Variants in ARHGEF18 observed in about 807,000 individuals in gnomAD.
ARHGEF18 encodes rho guanine nucleotide exchange factor 18.
Under a neutral mutation model 155.7 loss-of-function variants are expected in ARHGEF18, and 93 were observed. The observed-to-expected ratio is 0.60, with a 90% CI of 0.50 to 0.71. The LOEUF is 0.71. ARHGEF18 is among the 30% of genes least tolerant of loss of function. ARHGEF18 has a pLI of 0.00. For synonymous variants in ARHGEF18, 742 were observed against 753.1 expected (o/e 0.99, Z 0.24); for missense variants, 1,593 against 1,816.1 (o/e 0.88, Z 2.23).
At chr19:7,475,502 T>C (rs1977207659), downstream of ARHGEF18, among the ~76,000 whole-genome samples, 1 of 151,522 alleles carries the variant, frequency 6.6e-6, no homozygotes, top group Non-Finnish European at 1.5e-5. Flanking sequence ...TATATGTGAA[T>C]TATATTTCCA....
intron 15 of ARHGEF18, among the ~76,000 whole-genome samples, chr19:7,448,140 G>C (rs534849547): frequency 2.6e-5 from 4 of 152,170 alleles, no homozygotes; most frequent in African/African-American, 9.6e-5. Context: ...ACAAAGGGTC[G>C]TTTGAAGGGG....
intron 7 of ARHGEF18, among the ~76,000 whole-genome samples, chr19:7,380,522 AAAAAATT>A (rs1003706153): frequency 1.3e-5 from 2 of 151,856 alleles, no homozygotes; most frequent in African/African-American, 4.8e-5. Flanking sequence ...TTGGTTAAAA[AAAAAATT>A]AAAAATTAGC....
intron 6 of ARHGEF18, among the ~76,000 whole-genome samples, 155 bp from the exon 7 acceptor site, chr19:7,378,967 A>G (rs961893709): frequency 6.6e-6 from 1 of 151,906 alleles, no homozygotes; most frequent in Non-Finnish European, 1.5e-5. Context: ...TACTGGGATT[A>G]CAGGCGTGAG....
chr19:7,442,558 T>C (rs7257153), intron 13 of ARHGEF18, among the ~76,000 whole-genome samples: 48,329 of 133,946 alleles, frequency 0.36, 8,067 homozygotes, highest in Middle Eastern at 0.51. Context: ...CTCTCTCCTC[T>C]CTTGGTGCAG....
chr19:7,477,058 C>T (rs116780119), downstream of ARHGEF18: 4,967 of 697,262 alleles, frequency 7.1e-3, 38 homozygotes, highest in Middle Eastern at 0.022. Flanking sequence ...TGGGGGACCT[C>T]GCATCAGTCC....
chr19:7,356,681 C>A (rs1969320279), intron 1 of ARHGEF18, among the ~76,000 whole-genome samples: 1 of 152,144 alleles, frequency 6.6e-6, no homozygotes, highest in African/African-American at 2.4e-5. Context: ...ATCATAAAAG[C>A]TGGTCATGCA....
chr19:7,360,447 G>T (rs1478126949), intron 1 of ARHGEF18, among the ~76,000 whole-genome samples: 6 of 152,154 alleles, frequency 3.9e-5, no homozygotes, highest in African/African-American at 1.4e-4. Flanking sequence ...TGTTGGTCAG[G>T]CTGGTCTCAA....
At chr19:7,449,224 C>T (rs918779113) in intron 15 of ARHGEF18, among the ~76,000 whole-genome samples, 3 of 152,048 alleles carry the variant, frequency 2.0e-5, no homozygotes, top group Admixed American at 6.6e-5. Flanking sequence ...ATGTGCTATG[C>T]TCCCGAGAGA....
At position 7,441,738 on chromosome 19, in the gene ARHGEF18, C is replaced by G. The variant is rs765852033; in HGVS notation, c.1192C>G (p.Pro398Ala). ...TADDSLSLTS[P>A]NTESIFVEDP... is the part of the protein sequence containing the mutation. ...TGATGACTCTCTGTCCCTTACATCT[C>G]CAAACACCGAGTCCATTTTTGTAGA... The change falls in exon 12 of 29, where the codon CCA (proline) becomes GCA (alanine). Residue 398 changes from proline to alanine, a missense_variant. By Grantham distance (27) the Pro-to-Ala change is conservative. Transcript: ENST00000668164. 3.7e-6 allele frequency: 6 copies of G among 1,614,106 alleles called. No individual in the cohort carries two copies. The highest frequency in any genetic ancestry group is 5.1e-6 in the Non-Finnish European group (6 of 1,180,056).
intron 27 of ARHGEF18, among the ~76,000 whole-genome samples, chr19:7,469,627 G>A (rs1055397954): frequency 6.6e-6 from 1 of 152,176 alleles, no homozygotes; most frequent in Non-Finnish European, 1.5e-5. Context: ...AAGATTAAGG[G>A]TGTGTCCCGT....
At chr19:7,372,747 G>A in intron 2 of ARHGEF18, 65 bp from the exon 3 acceptor site, 1 of 1,229,182 alleles carries the variant, frequency 8.1e-7, no homozygotes, top group Non-Finnish European at 1.0e-6. Context: ...GTGGTCAAGA[G>A]ACCCCAGGTT....
rs4804577 is a variant in ARHGEF18 at position 7,395,973 on chromosome 19, A to C, written c.967+12770A>C. Among the ~76,000 whole-genome samples the C allele has an allele frequency of 6.6e-6, 1 of 151,982 alleles. No individual in the cohort carries two copies. The highest frequency in any genetic ancestry group is 1.5e-5 in the Non-Finnish European group (1 of 68,000). ...AGGTACTGAGCATAGTACTCAATAG[A>C]TAGTTTCAACCCTTGACCTCCTCCT... On this transcript the variant is annotated intron_variant, in intron 10 of 28. Coordinates refer to ENST00000668164, the MANE Select transcript of ARHGEF18 (RefSeq NM_001367823.1). The surrounding 1 kb of genome is among the most constrained non-coding windows in gnomAD (Gnocchi z 5.0).
chr19:7,443,331 AG>A (rs749708649), intron 13 of ARHGEF18, among the ~76,000 whole-genome samples: 12 of 152,078 alleles, frequency 7.9e-5, no homozygotes, highest in Non-Finnish European at 1.8e-4. Flanking sequence ...CTAGGATTAC[AG>A]GCGTCAGCCA....
intron 1 of ARHGEF18, among the ~76,000 whole-genome samples, chr19:7,356,454 C>T (rs1190501784): frequency 1.3e-5 from 2 of 151,630 alleles, no homozygotes; most frequent in Admixed American, 6.6e-5. Flanking sequence ...ATATATTTTT[C>T]GTAGAGACGG....
downstream of ARHGEF18, chr19:7,477,325 C>A: frequency 6.4e-7 from 1 of 1,560,040 alleles, no homozygotes; most frequent in Non-Finnish European, 8.7e-7. Flanking sequence ...ACAGCACGCC[C>A]CGGGGCAGCC....
chr19:7,368,020 C>A (rs113458664), intron 2 of ARHGEF18, among the ~76,000 whole-genome samples: 4,957 of 95,044 alleles, frequency 0.052, 633 homozygotes, highest in African/African-American at 0.24. Context: ...GGAGGGAGGG[C>A]GGAAGGAAGG....
intron 10 of ARHGEF18, among the ~76,000 whole-genome samples, chr19:7,427,326 T>C (rs1973720183): frequency 6.6e-6 from 1 of 152,126 alleles, no homozygotes; most frequent in South Asian, 2.1e-4. Context: ...GCTTCATGTG[T>C]CCAGGCATTG....
rs1452378234 is a variant in ARHGEF18, at chr19:7,395,410, G to T, written c.967+12207G>T. 6.6e-6 allele frequency among the ~76,000 whole-genome samples: 1 copy of T among 152,014 alleles called. No homozygotes were observed. The highest frequency in any genetic ancestry group is 2.4e-5 in the African/African-American group (1 of 41,440). ...GCAGGCGAACGGGTGCTGGGGTGCA[G>T]GCTGCTCCTTCAATGCATGGAGGCT... is the stretch of plus-strand genomic sequence containing the variant. On this transcript the variant is annotated intron_variant, in intron 10 of 28. Coordinates refer to ENST00000668164, the MANE Select transcript of ARHGEF18 (RefSeq NM_001367823.1). The surrounding 1 kb of genome is among the most constrained non-coding windows in gnomAD (Gnocchi z 5.0).
chr19:7,428,252 T>A (rs1210751631), intron 10 of ARHGEF18, among the ~76,000 whole-genome samples: 1 of 152,198 alleles, frequency 6.6e-6, no homozygotes, highest in Admixed American at 6.6e-5. Flanking sequence ...AGGCAGTTTT[T>A]AACTCAATTT....
Sources: allele counts gnomAD v4.1 joint callset (sites outside exome capture counted in the v4.1 genomes callset), GRCh38; gene constraint gnomAD v4.1.1; non-coding constraint Gnocchi (gnomAD v3.1); transcripts MANE v1.5; gene names NCBI Gene and HGNC (gene_info 2026-07-23, HGNC 2026-07-21).